Variants in TERF2 observed in about 807,000 individuals in gnomAD.
TERF2 encodes telomeric repeat binding factor 2, also known as telomeric repeat-binding factor 2.
In TERF2, 16 loss-of-function variants were observed where a neutral mutation model predicts 56.1. The ratio of observed to expected loss-of-function variants is 0.29; its 90% CI spans 0.19 to 0.43. TERF2 has a LOEUF of 0.43. Ranked by LOEUF, TERF2 falls within the 20% of genes least tolerant of loss-of-function variation. The pLI is 1.00. For synonymous variants in TERF2, 296 were observed against 282.1 expected (o/e 1.05, Z -0.50); for missense variants, 547 against 712.9 (o/e 0.77, Z 2.65).
chr16:69,372,613 T>C (rs1000991203), intron 3 of TERF2, among the ~76,000 whole-genome samples: 2 of 151,938 alleles, frequency 1.3e-5, no homozygotes, highest in African/African-American at 4.8e-5. Context: ...AAATACAAAA[T>C]TAGCCAGGCA....
At chr16:69,381,123 T>C (rs2142765925) in intron 3 of TERF2, among the ~76,000 whole-genome samples, 1 of 152,310 alleles carries the variant, frequency 6.6e-6, no homozygotes, top group Admixed American at 6.5e-5. Flanking sequence ...ATTTTTTAAA[T>C]GTCAGTTGTT....
At chr16:69,385,281 T>G in intron 2 of TERF2, 110 bp downstream of exon 2, 1 of 934,958 alleles carries the variant, frequency 1.1e-6, no homozygotes, top group East Asian at 2.5e-5. Flanking sequence ...AAAAGACCAC[T>G]CTGATGGAAA....
Position 69,366,864 on chromosome 16 carries a change from G to A in TERF2, c.1283C>T (p.Ala428Val), listed in dbSNP as rs777964323. 8 of 1,614,034 alleles carry A rather than the reference G, an allele frequency of 5.0e-6. No individual in the cohort carries two copies. The highest frequency in any genetic ancestry group is 4.0e-5 in the African/African-American group (3 of 74,928). ...GAGAACGGTGGGCTTGGATGGTGGC[G>A]CTGAAGCGGCCTCCTGGGAGGAGTT... The part of the protein sequence containing the change: ...GLNSSQEAAS[A>V]PPSKPTVLNQ... Residue 428 changes from alanine (A) to valine (V), a missense_variant, in exon 7 of 10, where the codon GCG becomes GTG. By Grantham distance (64) the Ala-to-Val change is moderately conservative. This residue lies in a region of TERF2 where 211 missense variants were observed against 236.8 expected (regional missense o/e 0.89). Coordinates refer to ENST00000254942, the MANE Select transcript of TERF2 (RefSeq NM_005652.5).
chr16:69,375,811 T>C (rs2013757575), intron 3 of TERF2, among the ~76,000 whole-genome samples: 4 of 152,198 alleles, frequency 2.6e-5, no homozygotes, highest in Admixed American at 2.6e-4. Flanking sequence ...TGGTTTTAAT[T>C]TGTATTTCCT....
At chr16:69,374,725 T>C (rs1338637641) in intron 3 of TERF2, among the ~76,000 whole-genome samples, 1 of 138,068 alleles carries the variant, frequency 7.2e-6, no homozygotes, top group Non-Finnish European at 1.5e-5. Context: ...CCCAGCACTT[T>C]GGGAGGCTGA....
Position 69,372,165 on chromosome 16 carries a change from A to G in TERF2, c.693+104T>C, listed in dbSNP as rs2013600159. On this transcript the variant is annotated intron_variant, in intron 4 of 9. Transcript: ENST00000254942. ...GCTGCAGGTGTTACATGTTGAAAGG[A>G]GAATATTTAAGTAATATTCCTGACC... is the stretch of plus-strand genomic sequence containing the variant. 5.5e-6 allele frequency: 4 copies of G among 721,544 alleles called. No homozygotes were observed. The South Asian group carries it at 5.7e-5, about 10-fold the overall frequency. 44.7% of individuals were successfully genotyped at this position (721,544 alleles called of 1,614,324 possible). A position where few individuals can be genotyped will look rare whatever the true frequency, so the allele number is the denominator to read the frequency against.
intron 7 of TERF2, 75 bp from the exon 8 acceptor site, chr16:69,361,564 A>G: frequency 2.8e-6 from 3 of 1,072,024 alleles, no homozygotes. Flanking sequence ...GTCTTGGCTC[A>G]CTCTTGGCCC....
At chr16:69,377,236 T>C (rs1332935340) in intron 3 of TERF2, among the ~76,000 whole-genome samples, 1 of 152,042 alleles carries the variant, frequency 6.6e-6, no homozygotes, top group Non-Finnish European at 1.5e-5. Flanking sequence ...CTGTTGAGAT[T>C]GTGACTGGAA....
chr16:69,360,467 G>A (rs1300150741), intron 8 of TERF2, among the ~76,000 whole-genome samples: 2 of 152,000 alleles, frequency 1.3e-5, no homozygotes, highest in African/African-American at 4.8e-5. Context: ...ACTTTGAGAG[G>A]ATGAGGCAGA....
At chr16:69,385,520 C>A (rs1172123812) in intron 1 of TERF2, 34 bp from the exon 2 acceptor site, 1 of 1,613,010 alleles carries the variant, frequency 6.2e-7, no homozygotes, top group Non-Finnish European at 8.5e-7. Context: ...TGGGCGACCC[C>A]CAGTCCCGAC....
At chr16:69,361,831 C>G (rs79905778) in intron 7 of TERF2, among the ~76,000 whole-genome samples, 2,302 of 150,690 alleles carry the variant, frequency 0.015, 60 homozygotes, top group African/African-American at 0.054. Flanking sequence ...AACCTGCAAA[C>G]CCCTCCCTCT....
intron 8 of TERF2, 48 bp downstream of exon 8, chr16:69,361,356 G>T: frequency 1.5e-6 from 2 of 1,329,852 alleles, no homozygotes; most frequent in Middle Eastern, 1.8e-4. Flanking sequence ...ACACGCATCT[G>T]TACTTCAGCA....
Position 69,384,441 on chromosome 16 carries a change from C to G in TERF2, c.606+139G>C, listed in dbSNP as rs778269144. 47 of 876,794 alleles carry G rather than the reference C, an allele frequency of 5.4e-5. 1 individual carries two copies. The highest frequency in any genetic ancestry group is 2.1e-4 in the South Asian group (10 of 47,564). The allele number at this position is 876,794 out of a possible 1,614,324, so 54.3% of individuals were successfully genotyped here. A position where few individuals can be genotyped will look rare whatever the true frequency, so the allele number is the denominator to read the frequency against. ...AAGGAGACACCTGAAGAAATAACGTCTGTGTGTGTGCTTTCTTGCTTGCTC... is the reference window on the plus strand; with the variant it reads ...AAGGAGACACCTGAAGAAATAACGTGTGTGTGTGTGCTTTCTTGCTTGCTC... On this transcript the variant is annotated intron_variant, in intron 3 of 9. Transcript: ENST00000254942.
rs566966927 is a variant in TERF2, at chr16:69,371,822, AT to A, written c.693+446del. Among the ~76,000 whole-genome samples the A allele has an allele frequency of 3.9e-5, 6 of 152,288 alleles. No homozygotes were observed. The East Asian group carries it at 9.6e-4, about 24-fold the overall frequency. ...AAAGCGAGACTCTGCCTCAAAAAAAATAAATAAACAAATGAATAAAAAGGAA... is the reference window on the plus strand; with the variant it reads ...AAAGCGAGACTCTGCCTCAAAAAAAAAAATAAACAAATGAATAAAAAGGAA... On this transcript the variant is annotated intron_variant, in intron 4 of 9. Transcript: ENST00000254942.
At chr16:69,381,221 A>G (rs2013989476) in intron 3 of TERF2, among the ~76,000 whole-genome samples, 2 of 152,230 alleles carry the variant, frequency 1.3e-5, no homozygotes, top group South Asian at 2.1e-4. Context: ...TTTTCACTAG[A>G]AAGCTTAAAC....
Position 69,370,616 on chromosome 16 carries a change from T to A in TERF2, c.707A>T (p.Asp236Val). The stretch of plus-strand genomic sequence containing the variant: ...CTTTTCTCGAATAATATTCAGGAGA[T>A]CATTTCTCAGCTTCTACACAATGGA... ...KDPTTQKLRN[D>V]LLNIIREKNL... The change falls in exon 5 of 10, where the codon GAT becomes GTT. Residue 236 changes from aspartate to valine, a missense_variant. Asp to Val is a radical substitution (Grantham distance 152). This residue lies in a region of TERF2 where 97 missense variants were observed against 157.0 expected (regional missense o/e 0.62). Transcript: ENST00000254942. The A allele has an allele frequency of 6.2e-7, 1 of 1,610,602 alleles. No individual in the cohort carries two copies. Among genetic ancestry groups the A allele is most frequent in the Non-Finnish European group, 8.5e-7 (1 of 1,178,762 alleles).
rs1030818017 is a variant in TERF2 at position 69,385,696 on chromosome 16, C to T, written c.276G>A (p.Glu92=). ...ACTTGAGCACCCAGCGATTGACTGC[C>T]TCTTCCAGCCGTGCCTCCCCCGCGC... The part of the protein sequence containing the change: ...ERGAGEARLE[E]AVNRWVLKFY... Residue 92 remains glutamate (E), a synonymous_variant, in exon 1 of 10, where the codon GAG becomes GAA. Coordinates refer to ENST00000254942, the MANE Select transcript of TERF2 (RefSeq NM_005652.5). 23 of 1,605,574 alleles carry T rather than the reference C, an allele frequency of 1.4e-5. No individual in the cohort carries two copies. Among genetic ancestry groups the T allele is most frequent in the East Asian group, 2.3e-5 (1 of 44,020 alleles).
At chr16:69,381,908 G>C (rs1384079358) in intron 3 of TERF2, among the ~76,000 whole-genome samples, 1 of 151,890 alleles carries the variant, frequency 6.6e-6, no homozygotes, top group Admixed American at 6.6e-5. Context: ...TTTAATGGGA[G>C]TTCTGAGCTT....
chr16:69,376,610 T>C (rs1248534304), intron 3 of TERF2, among the ~76,000 whole-genome samples: 1 of 150,498 alleles, frequency 6.6e-6, no homozygotes, highest in Non-Finnish European at 1.5e-5. Context: ...CTTTGGAAGG[T>C]TGAGGTGGGA....
Sources: gnomAD v4.1 joint callset for allele counts (sites outside exome capture counted in the v4.1 genomes callset) on GRCh38, gnomAD v4.1.1 for gene constraint, gnomAD v4.1.1 regional missense constraint, MANE v1.5 for transcripts, NCBI Gene and HGNC (gene_info 2026-07-23, HGNC 2026-07-21) for gene names.